The following DNAJC17 variants were observed in gnomAD, a reference collection of about 807,000 sequenced individuals.
The protein encoded by DNAJC17 is DnaJ heat shock protein family (Hsp40) member C17.
A neutral mutation model predicts 48.1 loss-of-function variants in DNAJC17; 35 were observed. The ratio of observed to expected loss-of-function variants is 0.73; its 90% confidence interval spans 0.56 to 0.96. The LOEUF is 0.96. Among genes scored for constraint, DNAJC17 ranks in the 50% least tolerant of loss-of-function variants. The probability of loss-of-function intolerance (pLI) is 0.00; values close to 1 mark genes in which losing one functional copy is unlikely to be tolerated. For missense variants in DNAJC17, 355 were observed against 377.1 expected (o/e 0.94, Z 0.48); for synonymous variants, 117 against 142.7 (o/e 0.82, Z 1.28).
At chr15:40,776,742 T>C (rs1048722382) in intron 4 of DNAJC17, 115 bp from the exon 5 acceptor site, 1 of 983,096 alleles carries the variant, frequency 1.0e-6, no homozygotes, top group Non-Finnish European at 1.6e-6. Flanking sequence ...GATCATACAG[T>C]AACTCTGCCC....
At chr15:40,799,142 G>A (rs1047550704) in intron 1 of DNAJC17, among the ~76,000 whole-genome samples, 2 of 150,338 alleles carry the variant, frequency 1.3e-5, no homozygotes, top group Admixed American at 6.7e-5. Flanking sequence ...GGAGAATGGT[G>A]TGAACCCGGG....
chr15:40,767,440 C>T lies in DNAJC17; in HGVS notation c.*500G>A. ...AGCTCCTGCCTCACCGTCTGCCTTG[C>T]TCCTCTCTTCCCAAATCATCACCGC... On this transcript the variant is annotated 3_prime_UTR_variant, in exon 11 of 11. Coordinates refer to ENST00000220496, the MANE Select transcript of DNAJC17 (RefSeq NM_018163.3). 4 of 1,386,936 alleles carry T rather than the reference C, an allele frequency of 2.9e-6. No homozygotes were observed. Among genetic ancestry groups the T allele is most frequent in the Non-Finnish European group, 3.9e-6 (4 of 1,033,110 alleles). The allele number at this position is 1,386,936 out of a possible 1,614,324, so 85.9% of individuals were successfully genotyped here.
intron 4 of DNAJC17, 142 bp downstream of exon 4, chr15:40,779,081 A>C (rs1889406848): frequency 1.3e-6 from 1 of 784,500 alleles, no homozygotes; most frequent in Middle Eastern, 2.2e-4. Context: ...TTTAGGAACC[A>C]ACCTCTAAGA....
chr15:40,795,737 A>T (rs1344073004), intron 1 of DNAJC17, among the ~76,000 whole-genome samples: 1 of 151,980 alleles, frequency 6.6e-6, no homozygotes, highest in African/African-American at 2.4e-5. Flanking sequence ...TCTACTAAAA[A>T]TACAAAAATT....
chr15:40,807,159 A>AAG, intron 1 of DNAJC17: 1 of 1,266,306 alleles, frequency 7.9e-7, no homozygotes, highest in East Asian at 2.6e-5. Flanking sequence ...ACCCGGCGCG[A>AAG]AGAGCCCTCT....
At chr15:40,805,748 G>A (rs968050067) in intron 1 of DNAJC17, among the ~76,000 whole-genome samples, 59 of 135,248 alleles carry the variant, frequency 4.4e-4, no homozygotes, top group African/African-American at 1.6e-3. Context: ...GGAGAATGGC[G>A]TGAACCCGAG....
intron 10 of DNAJC17, among the ~76,000 whole-genome samples, chr15:40,768,396 C>T (rs1233611418): frequency 6.6e-6 from 1 of 152,184 alleles, no homozygotes; most frequent in Non-Finnish European, 1.5e-5. Flanking sequence ...GGCCCTTTAC[C>T]CTTCACCCCT....
chr15:40,776,729 C>G (rs1889338240), intron 4 of DNAJC17, 102 bp from the exon 5 acceptor site: 2 of 1,130,526 alleles, frequency 1.8e-6, no homozygotes, highest in Non-Finnish European at 2.6e-6. Context: ...TCAATCACGA[C>G]GAGATCATAC....
At chr15:40,807,006 G>C (rs1774390236) in intron 1 of DNAJC17, 1 of 518,992 alleles carries the variant, frequency 1.9e-6, no homozygotes, top group South Asian at 2.5e-5. Context: ...CTGCAGAAGA[G>C]ACTGAAATGA....
At position 40,777,281 on chromosome 15, in the gene DNAJC17, CTTTTTTT is replaced by C. The variant is rs1162001252; in HGVS notation, c.296-661_296-655del. On this transcript the variant is annotated intron_variant, in intron 4 of 10. Coordinates refer to ENST00000220496, the MANE Select transcript of DNAJC17 (RefSeq NM_018163.3). The stretch of plus-strand genomic sequence containing the variant: ...TTAGACTCTCCTTTTCTCTCTCTCT[CTTTTTTT>C]TTTTTTTTTTTTGAGATGGGGTCTC... Among the ~76,000 whole-genome samples the C allele has an allele frequency of 7.6e-5, 10 of 131,594 alleles. No homozygotes were observed. The South Asian group carries it at 1.2e-3, about 16-fold the overall frequency. The allele number at this position is 131,594 out of a possible 152,430, so 86.3% of individuals were successfully genotyped here. A position where few individuals can be genotyped will look rare whatever the true frequency, so the allele number is the denominator to read the frequency against.
chr15:40,792,632 T>C (rs998174811), intron 1 of DNAJC17: 3 of 450,492 alleles, frequency 6.7e-6, no homozygotes, highest in South Asian at 9.5e-5. Flanking sequence ...CTGGGCAACA[T>C]AGGGAGACCC....
At chr15:40,806,761 G>C (rs1890240471) in intron 1 of DNAJC17, among the ~76,000 whole-genome samples, 2 of 152,160 alleles carry the variant, frequency 1.3e-5, no homozygotes, top group Non-Finnish European at 2.9e-5. Flanking sequence ...AGGTAGCATG[G>C]ACCTCTATAC....
intron 8 of DNAJC17, 97 bp from the exon 9 acceptor site, chr15:40,774,533 G>T: frequency 2.2e-6 from 3 of 1,338,834 alleles, no homozygotes; most frequent in Non-Finnish European, 3.2e-6. Context: ...GGCCCATGGG[G>T]CATTTTCAGT....
In DNAJC17 at chr15:40,799,150, G is replaced by A. The variant is rs536010819; in HGVS notation, c.78+8219C>T. ...TGAGGCAGGAGAATGGTGTGAACCC[G>A]GGAGGCAGAGCTTGCAGTGAGCCGA... On this transcript the variant is annotated intron_variant, in intron 1 of 10. Transcript: ENST00000220496. 3.0e-4 allele frequency among the ~76,000 whole-genome samples: 45 copies of A among 151,216 alleles called. 1 individual carries two copies. The highest frequency in any genetic ancestry group is 9.7e-4 in the African/African-American group (40 of 41,108).
At position 40,789,903 on chromosome 15, in the gene DNAJC17, C is replaced by CAAAAAAAAAAAAAA. The variant is rs71428311; in HGVS notation, c.79-9920_79-9907dup. Among the ~76,000 whole-genome samples the CAAAAAAAAAAAAAA allele has an allele frequency of 6.6e-3, 132 of 20,048 alleles. 5 individuals are homozygous for CAAAAAAAAAAAAAA. Among genetic ancestry groups the CAAAAAAAAAAAAAA allele is most frequent in the Non-Finnish European group, 7.4e-3 (81 of 10,956 alleles). The allele number at this position is 20,048 out of a possible 152,430, so 13.2% of individuals were successfully genotyped here. A position where few individuals can be genotyped will look rare whatever the true frequency, so the allele number is the denominator to read the frequency against. ...CCTGGGAGACAGAGACAGACTGTCTCAAAAAAAAAAAAAAAAAAAAAAAAA... is the reference window on the plus strand; with the variant it reads ...CCTGGGAGACAGAGACAGACTGTCTCAAAAAAAAAAAAAAAAAAAAAAAAAAAAAAAAAAAAAAA... On this transcript the variant is annotated intron_variant, in intron 1 of 10. Coordinates refer to ENST00000220496, the MANE Select transcript of DNAJC17 (RefSeq NM_018163.3).
chr15:40,767,557 C>T lies in DNAJC17; in HGVS notation c.*383G>A. 13 of 623,196 alleles carry T rather than the reference C, an allele frequency of 2.1e-5. No individual in the cohort carries two copies. The highest frequency in any genetic ancestry group is 2.9e-5 in the Non-Finnish European group (11 of 382,704). 38.6% of individuals were successfully genotyped at this position (623,196 alleles called of 1,614,324 possible). A position where few individuals can be genotyped will look rare whatever the true frequency, so the allele number is the denominator to read the frequency against. On this transcript the variant is annotated 3_prime_UTR_variant, in exon 11 of 11. Transcript: ENST00000220496. ...GGCAGTGCCCGGTGCCCTGGTGCTC[C>T]CAGCTGCCCTCCTGCTTCGGGCCTG...
chr15:40,766,011 G>A lies in DNAJC17; in HGVS notation c.*1929C>T. 2 of 581,636 alleles carry A rather than the reference G, an allele frequency of 3.4e-6. No individual in the cohort carries two copies. The highest frequency in any genetic ancestry group is 5.5e-4 in the Middle Eastern group (2 of 3,604). 36.0% of individuals were successfully genotyped at this position (581,636 alleles called of 1,614,324 possible). A position where few individuals can be genotyped will look rare whatever the true frequency, so the allele number is the denominator to read the frequency against. On this transcript the variant is annotated 3_prime_UTR_variant, in exon 11 of 11. Coordinates refer to ENST00000220496, the MANE Select transcript of DNAJC17 (RefSeq NM_018163.3). ...ATACAACCTCCAAGCCCAGGGACAG[G>A]GCCCAGCATCAGAGCCCCCTGCCTG...
chr15:40,778,223 C>T (rs1158744938), intron 4 of DNAJC17, among the ~76,000 whole-genome samples: 2 of 151,854 alleles, frequency 1.3e-5, no homozygotes, highest in African/African-American at 2.4e-5. Flanking sequence ...AAGACTCAGC[C>T]AGAAATGGTG....
chr15:40,796,598 A>T (rs1362970529), intron 1 of DNAJC17, among the ~76,000 whole-genome samples: 2 of 152,188 alleles, frequency 1.3e-5, no homozygotes, highest in African/African-American at 4.8e-5. Flanking sequence ...AAAACAGAAA[A>T]TTTAAGTGTG....
Sources: gnomAD v4.1 joint callset for allele counts (sites outside exome capture counted in the v4.1 genomes callset) on GRCh38, gnomAD v4.1.1 for gene constraint, MANE v1.5 for transcripts, NCBI Gene and HGNC (gene_info 2026-07-23, HGNC 2026-07-21) for gene names.